The following MICU1 variants were observed in gnomAD, a reference collection of about 807,000 sequenced individuals.
MICU1 encodes mitochondrial calcium uptake 1, also known as calcium uptake protein 1, mitochondrial.
MICU1 carries 45 observed loss-of-function variants against 56.8 expected under a neutral mutation model. The ratio of observed to expected loss-of-function variants is 0.79; its 90% CI spans 0.62 to 1.02. The LOEUF (loss-of-function observed/expected upper bound fraction) is 1.02. Among genes scored for constraint, MICU1 ranks in the 50% least tolerant of loss-of-function variants. MICU1 has a pLI of 0.00. For synonymous variants in MICU1, 186 were observed against 195.1 expected, an observed-to-expected ratio of 0.95 and a Z score of 0.39; for missense variants, 504 against 587.1, an observed-to-expected ratio of 0.86 and a Z score of 1.46.
intron 6 of MICU1, among the ~76,000 whole-genome samples, chr10:72,492,742 G>A (rs945843171): frequency 2.8e-5 from 4 of 143,188 alleles, no homozygotes; most frequent in East Asian, 2.0e-4. Flanking sequence ...CAGCCTGGGC[G>A]ACAGAGCAAG....
chr10:72,618,292 T>A (rs1308642861), intron 1 of MICU1, among the ~76,000 whole-genome samples: 1 of 152,086 alleles, frequency 6.6e-6, no homozygotes, highest in Non-Finnish European at 1.5e-5. Flanking sequence ...TGAAATGAGG[T>A]CTCACTATGT....
intron 10 of MICU1, among the ~76,000 whole-genome samples, chr10:72,396,029 G>A (rs1451749497): frequency 2.0e-5 from 3 of 152,210 alleles, no homozygotes; most frequent in Admixed American, 6.5e-5. Context: ...CCCAGTAGGG[G>A]CCGACAGACA....
At position 72,475,228 on chromosome 10, in the gene MICU1, T is replaced by C; in HGVS notation, c.805A>G (p.Thr269Ala). 1.2e-6 allele frequency: 2 copies of C among 1,610,730 alleles called. No homozygotes were observed. The highest frequency in any genetic ancestry group is 1.1e-5 in the South Asian group (1 of 90,286). Residue 269 changes from threonine to alanine, a missense_variant, in exon 8 of 12, where the codon ACC becomes GCC. Physicochemically the swap from Thr to Ala is moderately conservative, Grantham distance 58. Coordinates refer to ENST00000361114, the MANE Select transcript of MICU1 (RefSeq NM_001195518.2). ...RHRDRPTTGN[T>A]LKSGLCSALT... ...GCTGAACACAAGCCAGACTTGAGGG[T>C]GTTGCCAGTAGTTGGACGATCTCTG...
At chr10:72,578,728 C>G (rs1343656806) in intron 1 of MICU1, among the ~76,000 whole-genome samples, 1 of 152,060 alleles carries the variant, frequency 6.6e-6, no homozygotes, top group Non-Finnish European at 1.5e-5. Flanking sequence ...CTGCCTCAGT[C>G]TCCCGAGTAG....
intron 1 of MICU1, among the ~76,000 whole-genome samples, chr10:72,605,000 C>T (rs1469648029): frequency 6.6e-6 from 1 of 152,070 alleles, no homozygotes; most frequent in Non-Finnish European, 1.5e-5. Context: ...TTGTAAAATG[C>T]TGAGTACAAT....
At chr10:72,441,875 C>T (rs1231670371) in intron 8 of MICU1, among the ~76,000 whole-genome samples, 1 of 152,016 alleles carries the variant, frequency 6.6e-6, no homozygotes, top group Admixed American at 6.6e-5. Flanking sequence ...ACCCTGGCCT[C>T]CCAGAATGCT....
At chr10:72,414,628 T>G (rs1184096341) in intron 9 of MICU1, among the ~76,000 whole-genome samples, 2 of 152,200 alleles carry the variant, frequency 1.3e-5, no homozygotes, top group Non-Finnish European at 2.9e-5. Flanking sequence ...AACTGCAAAT[T>G]TACTAAAATT....
intron 6 of MICU1, among the ~76,000 whole-genome samples, chr10:72,500,873 T>C (rs1867047071): frequency 6.6e-6 from 1 of 152,198 alleles, no homozygotes; most frequent in East Asian, 1.9e-4. Flanking sequence ...ATAACCCTTC[T>C]CTATATCTAG....
At chr10:72,545,854 T>A (rs557048206) in intron 4 of MICU1, among the ~76,000 whole-genome samples, 8 of 152,352 alleles carry the variant, frequency 5.3e-5, no homozygotes, top group African/African-American at 1.9e-4. Flanking sequence ...TACTTTGATT[T>A]CTTTCAGGGC....
intron 6 of MICU1, among the ~76,000 whole-genome samples, chr10:72,502,158 GTTT>G (rs1256587038): frequency 7.6e-5 from 10 of 131,838 alleles, no homozygotes; most frequent in African/African-American, 3.4e-4. Context: ...TTTTTTTTTT[GTTT>G]TTTTTTTTTT....
intron 8 of MICU1, among the ~76,000 whole-genome samples, chr10:72,459,457 C>T (rs144941896): frequency 1.2e-4 from 19 of 152,274 alleles, no homozygotes; most frequent in Non-Finnish European, 2.8e-4. Flanking sequence ...TCTTTACAAC[C>T]TTATCTCACC....
intron 5 of MICU1, among the ~76,000 whole-genome samples, chr10:72,526,002 C>T (rs1166404290): frequency 6.6e-6 from 1 of 152,128 alleles, no homozygotes; most frequent in African/African-American, 2.4e-5. Context: ...TAACCATTTA[C>T]ACACAGCTGC....
At chr10:72,560,971 A>C (rs1173155242) in intron 3 of MICU1, among the ~76,000 whole-genome samples, 1 of 152,264 alleles carries the variant, frequency 6.6e-6, no homozygotes, top group Non-Finnish European at 1.5e-5. Flanking sequence ...ATTATGTAAA[A>C]GAATGAATAT....
At chr10:72,446,704 AT>A (rs1865117150) in intron 8 of MICU1, among the ~76,000 whole-genome samples, 1 of 152,106 alleles carries the variant, frequency 6.6e-6, no homozygotes, top group Non-Finnish European at 1.5e-5. Flanking sequence ...GCACAACAGC[AT>A]TTTTTTCTTT....
chr10:72,568,393 T>C (rs1177072383), intron 1 of MICU1, among the ~76,000 whole-genome samples: 1 of 152,218 alleles, frequency 6.6e-6, no homozygotes, highest in Non-Finnish European at 1.5e-5. Context: ...CTTTAAGTTT[T>C]TGGCGTATGT....
intron 1 of MICU1, among the ~76,000 whole-genome samples, chr10:72,597,173 C>T (rs1841403602): frequency 6.6e-6 from 1 of 152,100 alleles, no homozygotes; most frequent in Non-Finnish European, 1.5e-5. Context: ...CATCATTTAT[C>T]CAGATTCTAT....
In MICU1 at chr10:72,394,853, A is replaced by G. The variant is rs931437086; in HGVS notation, c.1180+13076T>C. ...TAAAAAAGAAAAATTAAATGTATCT[A>G]TCTGTTAACAGCCTAATTTTTTTTC... is the stretch of plus-strand genomic sequence containing the variant. On this transcript the variant is annotated intron_variant, in intron 10 of 11. Coordinates refer to ENST00000361114, the MANE Select transcript of MICU1 (RefSeq NM_001195518.2). 2.6e-5 allele frequency among the ~76,000 whole-genome samples: 4 copies of G among 152,200 alleles called. No individual in the cohort carries two copies. In the East Asian group the frequency reaches 7.8e-4, roughly 30 times the overall value.
chr10:72,619,169 GC>G (rs145091106), intron 1 of MICU1, among the ~76,000 whole-genome samples: 6,209 of 152,196 alleles, frequency 0.041, 434 homozygotes, highest in African/African-American at 0.14. Flanking sequence ...TATTAGCCAG[GC>G]CCGGTGGCTC....
At chr10:72,537,612 T>C (rs538573660) in intron 4 of MICU1, among the ~76,000 whole-genome samples, 1 of 152,332 alleles carries the variant, frequency 6.6e-6, no homozygotes, top group East Asian at 1.9e-4. Flanking sequence ...CCTTTGCCTT[T>C]TTATTGATAA....
Sources: allele counts gnomAD v4.1 joint callset (sites outside exome capture counted in the v4.1 genomes callset), GRCh38; gene constraint gnomAD v4.1.1; transcripts MANE v1.5; gene names NCBI Gene and HGNC (gene_info 2026-07-23, HGNC 2026-07-21).